The following ITPK1 variants were observed in gnomAD, a reference collection of about 807,000 sequenced individuals.
The protein encoded by ITPK1 is inositol-tetrakisphosphate 1-kinase.
ITPK1 carries 21 observed loss-of-function variants against 45.3 expected under a neutral mutation model. The ratio of observed to expected loss-of-function variants is 0.46; its 90% CI spans 0.33 to 0.67. The LOEUF (loss-of-function observed/expected upper bound fraction) is 0.67. Among genes scored for constraint, ITPK1 ranks in the 30% least tolerant of loss-of-function variants. The pLI, the probability that ITPK1 is intolerant of heterozygous loss-of-function variation, is 0.02. For synonymous variants in ITPK1, 258 were observed against 253.6 expected (o/e 1.02, Z -0.16); for missense variants, 474 against 573.5 (o/e 0.83, Z 1.77).
In ITPK1 at chr14:92,939,609, G is replaced by A. The variant is rs769787522; in HGVS notation, c.*1952C>T. Reference sequence around the variant, plus strand: ...CACAGCCCCGCCCCCGCCCCACCACGGAGGCCTATGGACGCCACCACGACA... The same window carrying A: ...CACAGCCCCGCCCCCGCCCCACCACAGAGGCCTATGGACGCCACCACGACA... On this transcript the variant is annotated 3_prime_UTR_variant, in exon 11 of 11. Transcript: ENST00000267615. The A allele has an allele frequency of 2.3e-4, 60 of 256,472 alleles. No individual in the cohort carries two copies. The highest frequency in any genetic ancestry group is 3.0e-4 in the Non-Finnish European group (51 of 171,748). 15.9% of individuals were successfully genotyped at this position (256,472 alleles called of 1,614,324 possible).
intron 5 of ITPK1, among the ~76,000 whole-genome samples, chr14:92,964,033 G>A (rs1412882332): frequency 2.6e-5 from 4 of 152,218 alleles, no homozygotes; most frequent in Non-Finnish European, 5.9e-5. Context: ...AATCAAGGTA[G>A]ATCCAGCCTC....
chr14:92,956,315 G>T (rs1595084682), intron 8 of ITPK1, among the ~76,000 whole-genome samples: 1 of 151,094 alleles, frequency 6.6e-6, no homozygotes, highest in East Asian at 1.9e-4. Flanking sequence ...TTTTTGGTAG[G>T]GATGGAGTTT....
chr14:93,056,688 AGC>A (rs1235622341), intron 3 of ITPK1, among the ~76,000 whole-genome samples: 3 of 152,140 alleles, frequency 2.0e-5, no homozygotes, highest in Non-Finnish European at 4.4e-5. Flanking sequence ...ACCACCTCAG[AGC>A]AGTGCCCCTC....
chr14:93,034,754 CGGA>C lies in ITPK1; in HGVS notation c.121-17956_121-17954del, dbSNP rs1229542893. On this transcript the variant is annotated intron_variant, in intron 3 of 10. Transcript: ENST00000267615. This position sits in a 1 kb window ranked among gnomAD's most constrained non-coding sequence, Gnocchi z 4.1. ...GAGGGTGAAGAAGCCAGTTTAGCAG[CGGA>C]GAAGGCTGGCATGGCCCCAGCACAC... Among the ~76,000 whole-genome samples the C allele has an allele frequency of 2.0e-5, 3 of 152,262 alleles. No homozygotes were observed. The highest frequency in any genetic ancestry group is 1.5e-5 in the Non-Finnish European group (1 of 68,036).
At chr14:92,970,215 C>T (rs1885578228) in intron 5 of ITPK1, among the ~76,000 whole-genome samples, 1 of 152,208 alleles carries the variant, frequency 6.6e-6, no homozygotes, top group African/African-American at 2.4e-5. Context: ...GTTTTGAAGC[C>T]AGCCAGCCCG....
chr14:93,114,593 T>C (rs1035681021), intron 2 of ITPK1, among the ~76,000 whole-genome samples: 2 of 152,134 alleles, frequency 1.3e-5, no homozygotes, highest in Non-Finnish European at 2.9e-5. Context: ...CCTCATGATA[T>C]GCAATGACAG....
intron 4 of ITPK1, among the ~76,000 whole-genome samples, chr14:93,004,400 C>T (rs1421127108): frequency 6.6e-6 from 1 of 152,220 alleles, no homozygotes; most frequent in Non-Finnish European, 1.5e-5. Context: ...GCTCCCCCAT[C>T]AGCAGACACT....
intron 8 of ITPK1, among the ~76,000 whole-genome samples, chr14:92,956,032 C>T (rs533382141): frequency 1.6e-4 from 25 of 152,280 alleles, no homozygotes; most frequent in South Asian, 8.3e-4. Flanking sequence ...GATGGAGAGA[C>T]ACACTAACAG....
chr14:92,985,145 G>C (rs1278000173), intron 5 of ITPK1, among the ~76,000 whole-genome samples: 4 of 152,012 alleles, frequency 2.6e-5, no homozygotes, highest in Non-Finnish European at 5.9e-5. Flanking sequence ...CCTGAATTGA[G>C]AGACACTCCA....
At chr14:92,977,986 G>C (rs1054799268) in intron 5 of ITPK1, among the ~76,000 whole-genome samples, 5 of 151,964 alleles carry the variant, frequency 3.3e-5, no homozygotes, top group Admixed American at 1.3e-4. Context: ...GAAGAAGATA[G>C]GAAGGTGAGG....
At chr14:93,062,358 A>T (rs529763946) in intron 3 of ITPK1, among the ~76,000 whole-genome samples, 2 of 152,106 alleles carry the variant, frequency 1.3e-5, no homozygotes, top group Non-Finnish European at 2.9e-5. Context: ...TGAGCCCAGG[A>T]GTTCAAAGCT....
intron 9 of ITPK1, 116 bp from the exon 10 acceptor site, chr14:92,946,609 G>C: frequency 9.6e-7 from 1 of 1,043,992 alleles, no homozygotes; most frequent in Non-Finnish European, 1.4e-6. Context: ...AGGCCAGGAA[G>C]CCAGACAGAC....
chr14:93,066,268 G>C, intron 3 of ITPK1: 1 of 455,350 alleles, frequency 2.2e-6, no homozygotes, highest in Non-Finnish European at 4.4e-6. Flanking sequence ...CACACCAACA[G>C]GCAGCTCAGC....
At chr14:93,098,815 AGCACTCCCATGCAGCC>A (rs1892193806) in intron 2 of ITPK1, among the ~76,000 whole-genome samples, 1 of 152,192 alleles carries the variant, frequency 6.6e-6, no homozygotes, top group African/African-American at 2.4e-5. Context: ...GCTTCCCTCC[AGCACTCCCATGCAGCC>A]GCCTCTGAAA....
chr14:92,975,366 A>G (rs1353723957), intron 5 of ITPK1, among the ~76,000 whole-genome samples: 1 of 152,104 alleles, frequency 6.6e-6, no homozygotes, highest in Non-Finnish European at 1.5e-5. Flanking sequence ...CCCCTGCCCC[A>G]GTACGCAGTT....
At chr14:93,048,917 C>T (rs1319114690) in intron 3 of ITPK1, among the ~76,000 whole-genome samples, 2 of 152,124 alleles carry the variant, frequency 1.3e-5, no homozygotes, top group Non-Finnish European at 2.9e-5. Context: ...CCACTGCACT[C>T]CAGCCTGGAC....
At chr14:92,973,820 G>C (rs1297064606) in intron 5 of ITPK1, among the ~76,000 whole-genome samples, 3 of 152,234 alleles carry the variant, frequency 2.0e-5, no homozygotes, top group Non-Finnish European at 4.4e-5. Flanking sequence ...GCGACAGAGA[G>C]ACAGAGGTGG....
At chr14:92,973,424 G>C (rs1885757918) in intron 5 of ITPK1, among the ~76,000 whole-genome samples, 1 of 152,270 alleles carries the variant, frequency 6.6e-6, no homozygotes, top group Non-Finnish European at 1.5e-5. Flanking sequence ...CTGTGGCGCT[G>C]TGGGTCTGGA....
intron 10 of ITPK1, among the ~76,000 whole-genome samples, chr14:92,943,509 C>T (rs908250935): frequency 3.9e-5 from 6 of 152,328 alleles, no homozygotes; most frequent in Admixed American, 3.9e-4. Context: ...GGGTAGGTGT[C>T]CCGGGCACGG....
Sources: gnomAD v4.1 joint callset for allele counts (sites outside exome capture counted in the v4.1 genomes callset) on GRCh38, gnomAD v4.1.1 for gene constraint, Gnocchi (gnomAD v3.1) non-coding constraint, MANE v1.5 for transcripts, NCBI Gene and HGNC (gene_info 2026-07-23, HGNC 2026-07-21) for gene names.